Variants in DPH6 observed in about 807,000 individuals in gnomAD.
The protein encoded by DPH6 is diphthine--ammonia ligase.
In DPH6, 33 loss-of-function variants were observed where a neutral mutation model predicts 38.2. That is an observed-to-expected ratio of 0.86 (90% CI 0.65 to 1.15). DPH6 has a LOEUF of 1.15. Among genes scored for constraint, DPH6 ranks in the 50% most tolerant of loss-of-function variants. The probability of loss-of-function intolerance (pLI) is 0.00; values close to 1 mark genes in which losing one functional copy is unlikely to be tolerated. For missense variants in DPH6, 325 were observed against 320.0 expected, an observed-to-expected ratio of 1.02 and a Z score of -0.12; for synonymous variants, 108 against 103.0, an observed-to-expected ratio of 1.05 and a Z score of -0.30.
chr15:35,448,191 T>G (rs10468082), intron 5 of DPH6, among the ~76,000 whole-genome samples: 129,305 of 151,854 alleles, frequency 0.85, 55,340 homozygotes, highest in South Asian at 0.92. Flanking sequence ...GTTTCTTTGT[T>G]TGTTTTTTGC....
intron 6 of DPH6, among the ~76,000 whole-genome samples, chr15:35,383,556 G>A (rs191747468): frequency 3.9e-5 from 6 of 152,288 alleles, no homozygotes; most frequent in East Asian, 1.9e-4. Context: ...CACTAATGAC[G>A]CAACAGCGAT....
At chr15:35,253,862 T>C (rs1180200606) in intron 3 of DPH6, among the ~76,000 whole-genome samples, 2 of 152,160 alleles carry the variant, frequency 1.3e-5, no homozygotes, top group East Asian at 3.9e-4. Context: ...CAACAACAAA[T>C]TGTCATTGGC....
At chr15:35,464,491 G>A (rs2141112461) in intron 3 of DPH6, among the ~76,000 whole-genome samples, 1 of 152,130 alleles carries the variant, frequency 6.6e-6, no homozygotes, top group East Asian at 1.9e-4. Context: ...GCAGATAACA[G>A]CTCCTACTGA....
intron 4 of DPH6, among the ~76,000 whole-genome samples, chr15:35,452,257 T>C (rs971740624): frequency 6.6e-6 from 1 of 152,178 alleles, no homozygotes; most frequent in African/African-American, 2.4e-5. Flanking sequence ...AATTGTTTAA[T>C]GAATTAAAGG....
chr15:35,243,730 T>C lies in DPH6; in HGVS notation n.201-23148A>G, dbSNP rs577158103. 1.6e-3 allele frequency among the ~76,000 whole-genome samples: 241 copies of C among 151,916 alleles called. 1 individual carries two copies. Among genetic ancestry groups the C allele is most frequent in the East Asian group, 3.9e-3 (20 of 5,144 alleles). ...AAACGGCCCCACCCTTATCTCCCTTTGCTGACTCTCTTTTCGGACTCAGCC... is the reference window on the plus strand; with the variant it reads ...AAACGGCCCCACCCTTATCTCCCTTCGCTGACTCTCTTTTCGGACTCAGCC... On this transcript the variant is annotated intron_variant and non_coding_transcript_variant, in intron 3 of 3. Transcript: ENST00000560386.
Position 35,420,344 on chromosome 15 carries a change from GGAA to G in DPH6, c.506-9451_506-9449del, listed in dbSNP as rs199852020. Reference sequence around the variant, plus strand: ...TAGCAATAAATGCCTACATCAAAAAGGAAGAAGGATCTCAAATAAACAACCTAA... The same window carrying G: ...TAGCAATAAATGCCTACATCAAAAAGGAAGGATCTCAAATAAACAACCTAA... On this transcript the variant is annotated intron_variant, in intron 5 of 8. Transcript: ENST00000256538. Among the ~76,000 whole-genome samples the G allele has an allele frequency of 9.8e-3, 1,487 of 152,072 alleles. 10 individuals carry two copies. Among genetic ancestry groups the G allele is most frequent in the South Asian group, 0.052 (250 of 4,810 alleles).
intron 8 of DPH6, 57 bp from the exon 9 acceptor site, chr15:35,372,260 G>A: frequency 7.7e-7 from 1 of 1,303,468 alleles, no homozygotes; most frequent in Non-Finnish European, 1.0e-6. Context: ...TTCAGTGTCA[G>A]TGAATATGAC....
intron 3 of DPH6, among the ~76,000 whole-genome samples, chr15:35,225,850 A>T (rs1402697931): frequency 1.3e-5 from 2 of 152,268 alleles, no homozygotes; most frequent in African/African-American, 4.8e-5. Flanking sequence ...TTACTTCAGC[A>T]AAGTATCTTG....
intron 3 of DPH6, among the ~76,000 whole-genome samples, chr15:35,480,371 CTGA>C (rs1213517131): frequency 3.3e-5 from 5 of 152,112 alleles, no homozygotes; most frequent in African/African-American, 9.6e-5. Flanking sequence ...CATCAGAGAC[CTGA>C]TGATGATTTT....
At chr15:35,406,305 C>G (rs924247507) in intron 6 of DPH6, among the ~76,000 whole-genome samples, 3 of 151,988 alleles carry the variant, frequency 2.0e-5, no homozygotes, top group Non-Finnish European at 4.4e-5. Context: ...GGGAGTATTC[C>G]ATTGACTACC....
chr15:35,509,243 T>C (rs928129757), intron 3 of DPH6, among the ~76,000 whole-genome samples: 7 of 152,222 alleles, frequency 4.6e-5, no homozygotes, highest in African/African-American at 1.7e-4. Flanking sequence ...CTGTTTTATA[T>C]GTAATTCTTA....
chr15:35,512,130 TTCATA>T (rs890457425), intron 3 of DPH6, among the ~76,000 whole-genome samples: 7 of 152,178 alleles, frequency 4.6e-5, no homozygotes, highest in Non-Finnish European at 4.4e-5. Flanking sequence ...AGTAATAATT[TTCATA>T]AAGTGAAATA....
chr15:35,418,407 A>C (rs8037846), intron 5 of DPH6, among the ~76,000 whole-genome samples: 4,486 of 152,164 alleles, frequency 0.029, 218 homozygotes, highest in African/African-American at 0.1. Flanking sequence ...GTGCAGAAAA[A>C]ATTTACTGTA....
chr15:35,367,280 C>T (rs1438283223), downstream of DPH6, among the ~76,000 whole-genome samples: 2 of 151,744 alleles, frequency 1.3e-5, no homozygotes, highest in Non-Finnish European at 2.9e-5. Flanking sequence ...AGGTTAAATT[C>T]CTGTGAACTT....
chr15:35,468,235 C>G (rs1366906207), intron 3 of DPH6, among the ~76,000 whole-genome samples: 3 of 152,258 alleles, frequency 2.0e-5, no homozygotes, highest in Admixed American at 6.5e-5. Flanking sequence ...TTCAAGAGAG[C>G]TTTTATTAAT....
intron 3 of DPH6, among the ~76,000 whole-genome samples, chr15:35,518,334 A>C (rs1196257840): frequency 6.6e-6 from 1 of 152,046 alleles, no homozygotes; most frequent in Non-Finnish European, 1.5e-5. Context: ...TTTACACACC[A>C]GTCTTCTTCG....
At chr15:35,434,382 G>A (rs901178251) in intron 5 of DPH6, among the ~76,000 whole-genome samples, 1 of 151,570 alleles carries the variant, frequency 6.6e-6, no homozygotes. Flanking sequence ...AACAACAGAG[G>A]GCACTAAAAT....
intron 3 of DPH6, among the ~76,000 whole-genome samples, chr15:35,235,890 T>C (rs1437386020): frequency 6.6e-6 from 1 of 151,654 alleles, no homozygotes; most frequent in African/African-American, 2.4e-5. Context: ...CTCATTGTGC[T>C]TTCAAAGTTT....
the DPH6 span, among the ~76,000 whole-genome samples, chr15:35,177,225 A>G: frequency 6.6e-6 from 1 of 152,024 alleles, no homozygotes. Flanking sequence ...ATTTCTACCG[A>G]GACTTCAAAG....
Sources: gnomAD v4.1 joint callset for allele counts (sites outside exome capture counted in the v4.1 genomes callset) on GRCh38, gnomAD v4.1.1 for gene constraint, MANE v1.5 for transcripts, NCBI Gene and HGNC (gene_info 2026-07-23, HGNC 2026-07-21) for gene names.